The following KALRN variants were observed in gnomAD, a reference collection of about 807,000 sequenced individuals.
KALRN encodes the protein kalirin RhoGEF kinase.
In KALRN, 70 loss-of-function variants were observed where a neutral mutation model predicts 353.7. That is an observed-to-expected ratio of 0.20 (90% CI 0.16 to 0.24). KALRN has a LOEUF of 0.24. Among genes scored for constraint, KALRN ranks in the 10% least tolerant of loss-of-function variants. The probability of loss-of-function intolerance (pLI) is 1.00; values close to 1 mark genes in which losing one functional copy is unlikely to be tolerated. For synonymous variants in KALRN, 1,391 were observed against 1,434.8 expected (o/e 0.97, Z 0.69); for missense variants, 2,791 against 3,756.7 (o/e 0.74, Z 6.72).
chr3:124,208,727 G>A (rs1560235116), intron 1 of KALRN, among the ~76,000 whole-genome samples: 1 of 152,112 alleles, frequency 6.6e-6, no homozygotes, highest in Non-Finnish European at 1.5e-5. Context: ...CACTTTGGGA[G>A]GCTGTAGCAG....
chr3:124,652,779 G>T (rs146904476), intron 38 of KALRN, among the ~76,000 whole-genome samples: 4 of 151,978 alleles, frequency 2.6e-5, no homozygotes, highest in African/African-American at 9.7e-5. Flanking sequence ...GGGTTTCACC[G>T]TGTTAGCCAG....
At chr3:124,658,597 C>T (rs2084397858) in intron 42 of KALRN, 80 bp downstream of exon 42, 1 of 1,041,714 alleles carries the variant, frequency 9.6e-7, no homozygotes, top group Non-Finnish European at 1.5e-6. Context: ...TACCAGACGT[C>T]ATCCATCCAT....
intron 1 of KALRN, among the ~76,000 whole-genome samples, chr3:124,189,200 A>T (rs1446089767): frequency 1.3e-5 from 2 of 152,178 alleles, no homozygotes; most frequent in African/African-American, 4.8e-5. Context: ...AACATTTAAC[A>T]TCTAAGGTCT....
At chr3:124,057,521 A>C (rs2149191990) in intron 1 of KALRN, among the ~76,000 whole-genome samples, 1 of 152,262 alleles carries the variant, frequency 6.6e-6, no homozygotes. Flanking sequence ...AAGCAGAAGG[A>C]GCAGGAAGAG....
chr3:124,376,179 G>T (rs931090429), intron 10 of KALRN, among the ~76,000 whole-genome samples: 10 of 152,198 alleles, frequency 6.6e-5, no homozygotes, highest in Admixed American at 2.0e-4. Context: ...AACTACTTGT[G>T]TTGGGAGGTA....
At chr3:124,545,642 G>C (rs1379834751) in intron 33 of KALRN, among the ~76,000 whole-genome samples, 1 of 152,132 alleles carries the variant, frequency 6.6e-6, no homozygotes, top group African/African-American at 2.4e-5. Context: ...CAACCCAGAG[G>C]CCAGGGCAGG....
intron 1 of KALRN, among the ~76,000 whole-genome samples, chr3:124,219,543 A>G (rs531415322): frequency 7.5e-4 from 114 of 152,212 alleles, no homozygotes; most frequent in Non-Finnish European, 1.2e-3. Context: ...GTTTGCTTAG[A>G]AAAGCTCAGT....
At chr3:124,385,967 A>T (rs2088227710) in intron 11 of KALRN, among the ~76,000 whole-genome samples, 1 of 152,126 alleles carries the variant, frequency 6.6e-6, no homozygotes, top group Non-Finnish European at 1.5e-5. Context: ...AAAAAAAAAT[A>T]GCCCTACTTA....
chr3:124,038,960 A>C (rs1289173466), intron 1 of KALRN, among the ~76,000 whole-genome samples: 1 of 152,234 alleles, frequency 6.6e-6, no homozygotes, highest in African/African-American at 2.4e-5. Context: ...GCCAGGCCCC[A>C]TATGCCCCCA....
chr3:124,195,247 A>C (rs1304634131), intron 1 of KALRN, among the ~76,000 whole-genome samples: 1 of 152,196 alleles, frequency 6.6e-6, no homozygotes, highest in African/African-American at 2.4e-5. Context: ...GCCAGACCTC[A>C]CAAGGCCTCA....
chr3:124,037,151 T>A (rs1030052355), intron 1 of KALRN, among the ~76,000 whole-genome samples: 1 of 152,286 alleles, frequency 6.6e-6, no homozygotes, highest in East Asian at 1.9e-4. Flanking sequence ...TAGAGGCTTC[T>A]GCTGTCCACG....
At chr3:124,453,968 G>T (rs1299981260) in intron 21 of KALRN, among the ~76,000 whole-genome samples, 6 of 151,848 alleles carry the variant, frequency 4.0e-5, no homozygotes, top group African/African-American at 7.3e-5. Context: ...TTTTCCTTTT[G>T]TTTGACCCCC....
intron 1 of KALRN, among the ~76,000 whole-genome samples, chr3:124,145,655 GAC>G (rs1313199879): frequency 6.6e-6 from 1 of 152,238 alleles, no homozygotes; most frequent in Non-Finnish European, 1.5e-5. Flanking sequence ...GCATTAGAGA[GAC>G]ACAGAGATGA....
At chr3:124,300,712 T>C (rs2077197895) in intron 6 of KALRN, among the ~76,000 whole-genome samples, 1 of 152,132 alleles carries the variant, frequency 6.6e-6, no homozygotes. Context: ...AGATGTTAGG[T>C]AGAGGTGAAC....
chr3:124,122,224 G>T (rs913335209), intron 1 of KALRN, among the ~76,000 whole-genome samples: 4 of 152,208 alleles, frequency 2.6e-5, no homozygotes, highest in African/African-American at 9.7e-5. Flanking sequence ...GCAGTCTGCA[G>T]TGCTGGTGGA....
chr3:124,351,751 G>T (rs2082858080), intron 10 of KALRN, among the ~76,000 whole-genome samples: 1 of 152,172 alleles, frequency 6.6e-6, no homozygotes, highest in African/African-American at 2.4e-5. Context: ...AATTTATGTG[G>T]CAATCCATTA....
At chr3:124,395,526 G>A in intron 12 of KALRN, 183 bp downstream of exon 12, 1 of 546,266 alleles carries the variant, frequency 1.8e-6, no homozygotes, top group Non-Finnish European at 3.2e-6. Context: ...AATAGTAAAT[G>A]GAAAAGCTTT....
chr3:124,523,747 T>C (rs1170535771), intron 33 of KALRN, among the ~76,000 whole-genome samples: 1 of 152,226 alleles, frequency 6.6e-6, no homozygotes, highest in African/African-American at 2.4e-5. Flanking sequence ...CCAGTTCTTG[T>C]CCTTCTAGTC....
intron 13 of KALRN, among the ~76,000 whole-genome samples, chr3:124,401,600 A>G (rs1299562677): frequency 6.6e-6 from 1 of 152,240 alleles, no homozygotes; most frequent in Non-Finnish European, 1.5e-5. Flanking sequence ...AGTACTGGAC[A>G]ACCTGGTATG....
Sources: gnomAD v4.1 joint callset for allele counts (sites outside exome capture counted in the v4.1 genomes callset) on GRCh38, gnomAD v4.1.1 for gene constraint, MANE v1.5 for transcripts, NCBI Gene and HGNC (gene_info 2026-07-23, HGNC 2026-07-21) for gene names.